NTM: variants seen among roughly 807,000 people sequenced by gnomAD.
NTM encodes the protein neurotrimin.
Under a neutral mutation model 42.1 loss-of-function variants are expected in NTM, and 13 were observed. The observed-to-expected ratio is 0.31, with a 90% CI of 0.20 to 0.49. NTM has a LOEUF of 0.49. Among genes scored for constraint, NTM ranks in the 20% least tolerant of loss-of-function variants. The pLI is 0.99. For synonymous variants in NTM, 187 were observed against 179.2 expected (o/e 1.04, Z -0.35); for missense variants, 373 against 452.8 (o/e 0.82, Z 1.60).
chr11:131,482,418 G>A (rs1244771958), intron 1 of NTM, among the ~76,000 whole-genome samples: 1 of 152,144 alleles, frequency 6.6e-6, no homozygotes, highest in African/African-American at 2.4e-5. Context: ...ATTGTTTCAG[G>A]TTTTTATTCA....
chr11:131,548,513 G>T (rs2054238709), intron 1 of NTM, among the ~76,000 whole-genome samples: 1 of 152,066 alleles, frequency 6.6e-6, no homozygotes, highest in Admixed American at 6.6e-5. Flanking sequence ...TAATAATTAT[G>T]ATAACATTTA....
At chr11:131,386,176 T>G (rs903151916) in intron 1 of NTM, among the ~76,000 whole-genome samples, 1 of 152,204 alleles carries the variant, frequency 6.6e-6, no homozygotes, top group African/African-American at 2.4e-5. Context: ...GCAGCATGGA[T>G]GAACTTTGAA....
intron 1 of NTM, among the ~76,000 whole-genome samples, chr11:131,843,044 GA>G (rs2044469252): frequency 6.6e-6 from 1 of 151,656 alleles, no homozygotes; most frequent in African/African-American, 2.4e-5. Flanking sequence ...AATATAAAAT[GA>G]AAAGCAAAAT....
chr11:132,011,478 A>G (rs1200549644), intron 2 of NTM, among the ~76,000 whole-genome samples: 5 of 152,192 alleles, frequency 3.3e-5, no homozygotes, highest in Non-Finnish European at 7.4e-5. Flanking sequence ...AACATTTGTT[A>G]CGTAGTTTCT....
At chr11:131,621,816 C>T (rs916198660) in intron 1 of NTM, among the ~76,000 whole-genome samples, 1 of 88,224 alleles carries the variant, frequency 1.1e-5, no homozygotes, top group Non-Finnish European at 2.1e-5. Context: ...AGCAAGACCT[C>T]AACTCAAAGA....
intron 1 of NTM, among the ~76,000 whole-genome samples, chr11:131,587,850 A>G (rs1386093426): frequency 6.6e-6 from 1 of 152,224 alleles, no homozygotes; most frequent in African/African-American, 2.4e-5. Flanking sequence ...TCAGAGATCA[A>G]AACAAGTTCA....
At chr11:131,486,470 T>C (rs754078398) in intron 1 of NTM, among the ~76,000 whole-genome samples, 8 of 152,174 alleles carry the variant, frequency 5.3e-5, no homozygotes, top group Non-Finnish European at 8.8e-5. Context: ...GTGAGGATGC[T>C]CTTCAATGGG....
chr11:131,525,043 T>C (rs1241119271), intron 1 of NTM, among the ~76,000 whole-genome samples: 2 of 151,012 alleles, frequency 1.3e-5, no homozygotes, highest in Non-Finnish European at 2.9e-5. Context: ...AATTTCTGAA[T>C]GGAGTAAGGG....
At chr11:131,831,772 A>G (rs1448719138) in intron 1 of NTM, among the ~76,000 whole-genome samples, 1 of 152,104 alleles carries the variant, frequency 6.6e-6, no homozygotes, top group Non-Finnish European at 1.5e-5. Context: ...TTGACTTTGG[A>G]TCTACATTAA....
chr11:131,415,964 T>C (rs990955957), intron 1 of NTM, among the ~76,000 whole-genome samples: 2 of 152,170 alleles, frequency 1.3e-5, no homozygotes, highest in Admixed American at 6.5e-5. Context: ...GGGACTAAGG[T>C]TGTCAGACTT....
chr11:132,066,184 A>T lies in NTM; in HGVS notation c.168-80098A>T, dbSNP rs567943412. Among the ~76,000 whole-genome samples, 14 of 152,246 alleles carry T rather than the reference A, an allele frequency of 9.2e-5. No individual in the cohort carries two copies. The South Asian group carries it at 2.9e-3, about 32-fold the overall frequency. On this transcript the variant is annotated intron_variant, in intron 2 of 8. Coordinates refer to ENST00000683400, the MANE Select transcript of NTM (RefSeq NM_001352005.2). ...AGCACCATGAATTTCATGTTCCTCCATTTGAACAGTGTCTTCTTCTCAGAA... is the reference window on the plus strand; with the variant it reads ...AGCACCATGAATTTCATGTTCCTCCTTTTGAACAGTGTCTTCTTCTCAGAA...
At chr11:131,547,851 G>A (rs1245788716) in intron 1 of NTM, among the ~76,000 whole-genome samples, 2 of 152,148 alleles carry the variant, frequency 1.3e-5, no homozygotes, top group Non-Finnish European at 2.9e-5. Context: ...CCTTGAAGGG[G>A]AGCCAGGATT....
chr11:131,563,579 C>CTTTTTTTTT lies in NTM; in HGVS notation c.82+192706_82+192714dup, dbSNP rs71911433. Among the ~76,000 whole-genome samples the CTTTTTTTTT allele has an allele frequency of 1.1e-3, 100 of 88,756 alleles. 1 individual carries two copies. Among genetic ancestry groups the CTTTTTTTTT allele is most frequent in the African/African-American group, 4.4e-3 (96 of 21,842 alleles). The allele number at this position is 88,756 out of a possible 152,430, so 58.2% of individuals were successfully genotyped here. A position where few individuals can be genotyped will look rare whatever the true frequency, so the allele number is the denominator to read the frequency against. ...ATTTCTCCTGTGACAGCTCCAGACA[C>CTTTTTTTTT]TTTTTTTTTTTTTTTTTTTTTTTGG... On this transcript the variant is annotated intron_variant, in intron 1 of 8. Coordinates refer to ENST00000683400, the MANE Select transcript of NTM (RefSeq NM_001352005.2).
At chr11:131,713,305 G>T (rs777010744) in intron 1 of NTM, among the ~76,000 whole-genome samples, 1 of 152,088 alleles carries the variant, frequency 6.6e-6, no homozygotes, top group African/African-American at 2.4e-5. Flanking sequence ...GGTACAAAAG[G>T]GTCTTGTTGT....
intron 2 of NTM, among the ~76,000 whole-genome samples, chr11:132,029,737 A>G (rs1020184571): frequency 1.3e-5 from 2 of 152,170 alleles, no homozygotes; most frequent in Admixed American, 1.3e-4. Flanking sequence ...ATTTGTTCTT[A>G]TTAATGGACT....
At chr11:131,763,062 C>T (rs1003587825) in intron 1 of NTM, among the ~76,000 whole-genome samples, 7 of 152,182 alleles carry the variant, frequency 4.6e-5, no homozygotes, top group African/African-American at 1.7e-4. Context: ...TTTGGCATCC[C>T]AATCTGAACT....
intron 2 of NTM, among the ~76,000 whole-genome samples, chr11:131,915,254 A>G (rs1462879105): frequency 6.6e-6 from 1 of 152,210 alleles, no homozygotes; most frequent in African/African-American, 2.4e-5. Flanking sequence ...CAAGCTTCCC[A>G]GGACTATTCA....
intron 4 of NTM, among the ~76,000 whole-genome samples, chr11:132,288,268 T>C (rs1358912633): frequency 6.6e-6 from 1 of 152,134 alleles, no homozygotes; most frequent in Non-Finnish European, 1.5e-5. Context: ...CCCCAAGCCA[T>C]TGGAGAGAAT....
At chr11:132,014,763 GAGTTA>G (rs2073055062) in intron 2 of NTM, among the ~76,000 whole-genome samples, 2 of 36,120 alleles carry the variant, frequency 5.5e-5, no homozygotes, top group African/African-American at 1.0e-4. Context: ...TTTTGCTGTT[GAGTTA>G]AGTTCCTTGT....
Sources: allele counts gnomAD v4.1 joint callset (sites outside exome capture counted in the v4.1 genomes callset), GRCh38; gene constraint gnomAD v4.1.1; transcripts MANE v1.5; gene names NCBI Gene and HGNC (gene_info 2026-07-23, HGNC 2026-07-21).